The following DAB1 variants were observed in gnomAD, a reference collection of about 807,000 sequenced individuals.
DAB1 encodes the protein DAB adaptor protein 1.
Under a neutral mutation model 64.6 loss-of-function variants are expected in DAB1, and 15 were observed. The ratio of observed to expected loss-of-function variants is 0.23; its 90% CI spans 0.16 to 0.36. The LOEUF (loss-of-function observed/expected upper bound fraction) is 0.36. DAB1 is among the 10% of genes least tolerant of loss of function. The pLI is 1.00. For synonymous variants in DAB1, 235 were observed against 251.9 expected (o/e 0.93, Z 0.64); for missense variants, 596 against 706.7 (o/e 0.84, Z 1.78).
At chr1:57,254,573 A>G (rs1669614069) in intron 2 of DAB1, among the ~76,000 whole-genome samples, 1 of 152,216 alleles carries the variant, frequency 6.6e-6, no homozygotes, top group African/African-American at 2.4e-5. Context: ...TGATACACTA[A>G]GAATTCAAAT....
At chr1:57,040,059 T>C (rs1647541525) in intron 9 of DAB1, among the ~76,000 whole-genome samples, 1 of 152,200 alleles carries the variant, frequency 6.6e-6, no homozygotes, top group African/African-American at 2.4e-5. Context: ...CAGTTGGTGT[T>C]ATCAGTGAGA....
intron 1 of DAB1, among the ~76,000 whole-genome samples, chr1:57,368,187 G>A (rs1680214808): frequency 6.6e-6 from 1 of 152,320 alleles, no homozygotes; most frequent in African/African-American, 2.4e-5. Context: ...ATGAGGATAA[G>A]AGGGAAGCCG....
rs1669983790 is a variant in DAB1 at position 57,259,115 on chromosome 1, T to C, written c.67+31849A>G. The stretch of plus-strand genomic sequence containing the variant: ...TTACACACTTAGCTGTTGTGAAATA[T>C]AAACCACAGTCACAACTCCCTGTAC... On this transcript the variant is annotated intron_variant, in intron 2 of 14. Coordinates refer to ENST00000371236, the MANE Select transcript of DAB1 (RefSeq NM_001365792.1). 4.6e-5 allele frequency among the ~76,000 whole-genome samples: 7 copies of C among 152,170 alleles called. No homozygotes were observed. The South Asian group carries it at 1.5e-3, about 32-fold the overall frequency.
chr1:58,209,296 C>T (rs1000845715), intron 4 of DAB1, among the ~76,000 whole-genome samples: 4 of 152,240 alleles, frequency 2.6e-5, no homozygotes, highest in Non-Finnish European at 4.4e-5. Context: ...AGCATTCACA[C>T]GTAGGAAACA....
At chr1:57,238,324 T>C (rs147141715) in intron 2 of DAB1, among the ~76,000 whole-genome samples, 32 of 152,276 alleles carry the variant, frequency 2.1e-4, no homozygotes, top group South Asian at 2.1e-4. Flanking sequence ...TAGAGGAATG[T>C]AGCAAGAGGC....
intron 11 of DAB1, among the ~76,000 whole-genome samples, chr1:57,018,538 T>C (rs1646507331): frequency 6.6e-6 from 1 of 152,190 alleles, no homozygotes; most frequent in South Asian, 2.1e-4. Context: ...CATTTCAAGG[T>C]GTGAAAGGAG....
At chr1:57,096,591 A>G (rs879768982) in intron 4 of DAB1, among the ~76,000 whole-genome samples, 6 of 152,106 alleles carry the variant, frequency 3.9e-5, no homozygotes, top group Non-Finnish European at 7.4e-5. Flanking sequence ...GGCCCTGGCA[A>G]ACTCAGCTCA....
upstream of DAB1, among the ~76,000 whole-genome samples, chr1:57,886,543 C>T (rs1480957654): frequency 6.6e-6 from 1 of 152,182 alleles, no homozygotes; most frequent in African/African-American, 2.4e-5. Context: ...CTAAGCCCTT[C>T]GTATACTTCA....
At chr1:58,466,678 C>A (rs1171206812) in intron 3 of DAB1, among the ~76,000 whole-genome samples, 1 of 152,196 alleles carries the variant, frequency 6.6e-6, no homozygotes, top group African/African-American at 2.4e-5. Flanking sequence ...CTCCTGTCTT[C>A]CCTCCACCTA....
intron 5 of DAB1, chr1:58,074,374 C>T (rs953598996): frequency 1.3e-5 from 2 of 149,752 alleles, no homozygotes; most frequent in Non-Finnish European, 3.0e-5. Flanking sequence ...TCTGTATATA[C>T]ATATTTTTCT....
At position 57,922,845 on chromosome 1, in the gene DAB1, CA is replaced by C. The variant is rs367897659; in HGVS notation, n.388-38684del. 6.9e-3 allele frequency among the ~76,000 whole-genome samples: 312 copies of C among 44,996 alleles called. 1 individual carries two copies. Among genetic ancestry groups the C allele is most frequent in the East Asian group, 0.025 (27 of 1,080 alleles). 29.5% of individuals were successfully genotyped at this position (44,996 alleles called of 152,430 possible). ...TGGGTGACAAAGCGAGACTCCATCT[CA>C]AAAAAAAAAAAAAAAAAAAAAAGAT... On this transcript the variant is annotated intron_variant and non_coding_transcript_variant, in intron 5 of 20. Coordinates refer to the DAB1 transcript ENST00000485760.
intron 7 of DAB1, among the ~76,000 whole-genome samples, chr1:57,432,803 A>C (rs1260312424): frequency 6.6e-6 from 1 of 152,234 alleles, no homozygotes; most frequent in Non-Finnish European, 1.5e-5. Flanking sequence ...CCTATATATC[A>C]TTCAATGTAA....
At chr1:57,018,908 T>A (rs1264780570) in intron 11 of DAB1, among the ~76,000 whole-genome samples, 1 of 152,166 alleles carries the variant, frequency 6.6e-6, no homozygotes, top group East Asian at 1.9e-4. Context: ...CTGTCTCTTG[T>A]CTCTGCTGGC....
At chr1:57,032,883 C>G (rs574040997) in intron 9 of DAB1, among the ~76,000 whole-genome samples, 1 of 152,174 alleles carries the variant, frequency 6.6e-6, no homozygotes, top group Non-Finnish European at 1.5e-5. Flanking sequence ...GAATAGCAAC[C>G]TCGCCTGTTT....
intron 5 of DAB1, among the ~76,000 whole-genome samples, chr1:57,991,235 T>G (rs1646333230): frequency 6.6e-6 from 1 of 152,192 alleles, no homozygotes; most frequent in Non-Finnish European, 1.5e-5. Flanking sequence ...AACATTACAT[T>G]ACCTCCAATG....
chr1:57,355,397 C>T (rs1025518311), intron 1 of DAB1, among the ~76,000 whole-genome samples: 2 of 151,314 alleles, frequency 1.3e-5, no homozygotes, highest in South Asian at 2.1e-4. Context: ...TCCTTCCGTC[C>T]TTCCGTCCTT....
intron 6 of DAB1, among the ~76,000 whole-genome samples, chr1:57,697,446 AAAAAGGAGG>A (rs2101725383): frequency 6.6e-6 from 1 of 151,206 alleles, no homozygotes; most frequent in Non-Finnish European, 1.5e-5. Flanking sequence ...AAAAAAAAAA[AAAAAGGAGG>A]GGCGAAGTAG....
At chr1:57,028,401 T>C (rs1426662179) in intron 9 of DAB1, among the ~76,000 whole-genome samples, 1 of 152,200 alleles carries the variant, frequency 6.6e-6, no homozygotes, top group East Asian at 1.9e-4. Context: ...CAGTCTTGGG[T>C]ATGTCTTTAT....
intron 4 of DAB1, among the ~76,000 whole-genome samples, chr1:58,240,852 G>A (rs1660261479): frequency 6.6e-6 from 1 of 152,118 alleles, no homozygotes; most frequent in Admixed American, 6.6e-5. Context: ...TGAATAGAAA[G>A]AGAAGAGGAC....
Sources: allele counts gnomAD v4.1 joint callset (sites outside exome capture counted in the v4.1 genomes callset), GRCh38; gene constraint gnomAD v4.1.1; transcripts MANE v1.5; gene names NCBI Gene and HGNC (gene_info 2026-07-23, HGNC 2026-07-21).